TLR4: variants seen among roughly 807,000 people sequenced by gnomAD.
TLR4 encodes toll like receptor 4, also known as toll-like receptor 4.
Under a neutral mutation model 27.4 loss-of-function variants are expected in TLR4, and 17 were observed. The ratio of observed to expected loss-of-function variants is 0.62; its 90% confidence interval spans 0.42 to 0.93. The LOEUF (loss-of-function observed/expected upper bound fraction) is 0.93, where lower values mean the gene tolerates loss of function less well. Ranked by LOEUF, TLR4 falls within the 40% of genes least tolerant of loss-of-function variation. TLR4 has a pLI of 0.00. For synonymous variants in TLR4, 363 were observed against 365.7 expected, an observed-to-expected ratio of 0.99 and a Z score of 0.08; for missense variants, 926 against 962.3, an observed-to-expected ratio of 0.96 and a Z score of 0.50.
In TLR4 at chr9:117,714,595, C is replaced by T; in HGVS notation, c.2467C>T (p.Pro823Ser). ...CCTGCTGGATGGTAAATCATGGAAT[C>T]CAGAAGGAACAGTGGGTACAGGATG... is the stretch of plus-strand genomic sequence containing the variant. ...KALLDGKSWN[P>S]EGTVGTGCNW... The change falls in exon 3 of 3, where the codon CCA becomes TCA. Residue 823 changes from proline to serine, a missense_variant. Physicochemically the swap from Pro to Ser is moderately conservative, Grantham distance 74 (BLOSUM62 -1). Transcript: ENST00000355622. 1.2e-6 allele frequency: 2 copies of T among 1,613,554 alleles called. No individual in the cohort carries two copies. The highest frequency in any genetic ancestry group is 1.1e-5 in the South Asian group (1 of 91,060).
rs890751172 is a variant in TLR4, at chr9:117,722,943, G to A, written c.*8295G>A. On this transcript the variant is annotated 3_prime_UTR_variant, in exon 3 of 3. Transcript: ENST00000355622. The stretch of plus-strand genomic sequence containing the variant: ...TAAAATATATTTAAGTTTAAAATGT[G>A]GGCCAACTTAGGAAAAAAACGGGAT... 8 of 152,158 alleles carry A rather than the reference G, an allele frequency of 5.3e-5. No individual in the cohort carries two copies. The highest frequency in any genetic ancestry group is 1.9e-4 in the African/African-American group (8 of 41,502). 9.4% of individuals were successfully genotyped at this position (152,158 alleles called of 1,614,324 possible).
Position 117,717,293 on chromosome 9 carries a change from A to T in TLR4, c.*2645A>T, listed in dbSNP as rs1281020580. 6.6e-6 allele frequency: 1 copy of T among 152,056 alleles called. No individual in the cohort carries two copies. Among genetic ancestry groups the T allele is most frequent in the Non-Finnish European group, 1.5e-5 (1 of 68,002 alleles). The allele number at this position is 152,056 out of a possible 1,614,324, so 9.4% of individuals were successfully genotyped here. A position where few individuals can be genotyped will look rare whatever the true frequency, so the allele number is the denominator to read the frequency against. The stretch of plus-strand genomic sequence containing the variant: ...GGATACGTTCTTAGACCCCAAGTGG[A>T]TCTCTGAGACCGCAGATGGTACCAA... On this transcript the variant is annotated 3_prime_UTR_variant, in exon 3 of 3. Coordinates refer to ENST00000355622, the MANE Select transcript of TLR4 (RefSeq NM_138554.5).
intron 1 of TLR4, 135 bp downstream of exon 1, chr9:117,704,700 G>T: frequency 1.2e-6 from 1 of 812,738 alleles, no homozygotes; most frequent in Non-Finnish European, 2.0e-6. Context: ...AAGCCACAGA[G>T]ATCAAATAAT....
At chr9:117,711,060 T>C (rs2770146) in intron 2 of TLR4, among the ~76,000 whole-genome samples, 35,118 of 152,042 alleles carry the variant, frequency 0.23, 4,569 homozygotes, top group Middle Eastern at 0.31. Flanking sequence ...AGCTGTTTGA[T>C]TTATAAATGT....
rs566228523 is a variant in TLR4 at position 117,714,216 on chromosome 9, A to G, written c.2088A>G (p.Leu696=). 6.2e-7 allele frequency: 1 copy of G among 1,607,092 alleles called. No individual in the cohort carries two copies. The highest frequency in any genetic ancestry group is 1.3e-5 in the African/African-American group (1 of 74,864). The part of the protein sequence containing the change: ...DWVRNELVKN[L]EEGVPPFQLC... ...TAAGGAATGAGCTAGTAAAGAATTT[A>G]GAAGAAGGGGTGCCTCCATTTCAGC... The change falls in exon 3 of 3, where the codon TTA becomes TTG. Residue 696 remains leucine, a synonymous_variant. Coordinates refer to ENST00000355622, the MANE Select transcript of TLR4 (RefSeq NM_138554.5).
chr9:117,707,248 C>A (rs1031704602), intron 1 of TLR4, among the ~76,000 whole-genome samples: 1 of 152,192 alleles, frequency 6.6e-6, no homozygotes, highest in African/African-American at 2.4e-5. Context: ...TTTAAGCAGA[C>A]ATACGAATGA....
At position 117,708,606 on chromosome 9, in the gene TLR4, A is replaced by G. The variant is rs78848399; in HGVS notation, c.137A>G (p.Tyr46Cys). The change falls in exon 2 of 3, where the codon TAC (tyrosine) becomes TGC (cysteine). Residue 46 changes from tyrosine to cysteine, a missense_variant. Transcript: ENST00000355622. The part of the protein sequence containing the change: ...ITYQCMELNF[Y>C]KIPDNLPFST... The stretch of plus-strand genomic sequence containing the variant: ...TATCAATGCATGGAGCTGAATTTCT[A>G]CAAAATCCCCGACAACCTCCCCTTC... 5,000 of 1,613,938 alleles carry G rather than the reference A, an allele frequency of 3.1e-3. 13 individuals are homozygous for G. The highest frequency in any genetic ancestry group is 3.8e-3 in the Non-Finnish European group (4,481 of 1,179,848).
chr9:117,712,329 C>T, intron 2 of TLR4, 60 bp from the exon 3 acceptor site: 1 of 1,496,722 alleles, frequency 6.7e-7, no homozygotes, highest in Non-Finnish European at 9.2e-7. Flanking sequence ...GATTAATATT[C>T]TATTTTAGGT....
intron 2 of TLR4, among the ~76,000 whole-genome samples, chr9:117,710,043 A>G (rs1164505706): frequency 6.6e-6 from 1 of 152,108 alleles, no homozygotes; most frequent in Admixed American, 6.6e-5. Context: ...TATAAGCATA[A>G]AGTATTCTTA....
Position 117,714,017 on chromosome 9 carries a change from A to G in TLR4, c.1889A>G (p.Asn630Ser). ...AGTTTGAATATCACCTGTCAGATGA[A>G]TAAGACCATCATTGGTGTGTCGGTC... Reference protein sequence around the residue: ...VLSLNITCQMNKTIIGVSVLS... With the variant: ...VLSLNITCQMSKTIIGVSVLS... The change falls in exon 3 of 3, where the codon AAT (asparagine) becomes AGT (serine). Residue 630 changes from asparagine to serine, a missense_variant. Coordinates refer to ENST00000355622, the MANE Select transcript of TLR4 (RefSeq NM_138554.5). 1.2e-6 allele frequency: 2 copies of G among 1,613,968 alleles called. No individual in the cohort carries two copies. The highest frequency in any genetic ancestry group is 1.7e-6 in the Non-Finnish European group (2 of 1,179,966).
rs755724121 is a variant in TLR4 at position 117,717,709 on chromosome 9, T to A, written c.*3061T>A. ...TTCATATTTGAATATGAATTCTGCA[T>A]AAGTGTGTTTATTCAAGCAAATGTA... On this transcript the variant is annotated 3_prime_UTR_variant, in exon 3 of 3. Transcript: ENST00000355622. 6.6e-6 allele frequency: 1 copy of A among 152,148 alleles called. No homozygotes were observed. The highest frequency in any genetic ancestry group is 1.5e-5 in the Non-Finnish European group (1 of 68,016). The allele number at this position is 152,148 out of a possible 1,614,324, so 9.4% of individuals were successfully genotyped here.
intron 1 of TLR4, 145 bp from the exon 2 acceptor site, chr9:117,708,418 A>G (rs1829172677): frequency 1.3e-6 from 2 of 1,535,782 alleles, no homozygotes; most frequent in Admixed American, 1.9e-5. Context: ...GGATATATGG[A>G]TGGAAGGATG....
rs1017594351 is a variant in TLR4, at chr9:117,720,623, A to C, written c.*5975A>C. The C allele has an allele frequency of 4.6e-5, 7 of 152,248 alleles. No homozygotes were observed. The highest frequency in any genetic ancestry group is 8.8e-5 in the Non-Finnish European group (6 of 68,048). 9.4% of individuals were successfully genotyped at this position (152,248 alleles called of 1,614,324 possible). A position where few individuals can be genotyped will look rare whatever the true frequency, so the allele number is the denominator to read the frequency against. On this transcript the variant is annotated 3_prime_UTR_variant, in exon 3 of 3. Coordinates refer to ENST00000355622, the MANE Select transcript of TLR4 (RefSeq NM_138554.5). ...TTTGTTGAAAATTAAACTCACGTTT[A>C]GGAGAAAGGATTGTGTTGTATGCTC...
At chr9:117,705,120 AAAAG>A (rs1829115409) in intron 1 of TLR4, among the ~76,000 whole-genome samples, 1 of 151,510 alleles carries the variant, frequency 6.6e-6, no homozygotes, top group South Asian at 2.1e-4. Flanking sequence ...ATGAAAAAGG[AAAAG>A]AGAGAGAGAG....
At chr9:117,706,134 A>G (rs1238609725) in intron 1 of TLR4, among the ~76,000 whole-genome samples, 2 of 152,140 alleles carry the variant, frequency 1.3e-5, no homozygotes, top group African/African-American at 2.4e-5. Context: ...ACACTTCTCA[A>G]TTTACACTAT....
rs1056744559 is a variant in TLR4 at position 117,713,974 on chromosome 9, C to G, written c.1846C>G (p.Gln616Glu). The change falls in exon 3 of 3, where the codon CAG becomes GAG. Residue 616 changes from glutamine (Q) to glutamate (E), a missense_variant. Physicochemically the swap from Gln to Glu is conservative, Grantham distance 29. Coordinates refer to ENST00000355622, the MANE Select transcript of TLR4 (RefSeq NM_138554.5). ...RMECATPSDK[Q>E]GMPVLSLNIT... is the part of the protein sequence containing the mutation. ...GGAATGTGCAACACCTTCAGATAAG[C>G]AGGGCATGCCTGTGCTGAGTTTGAA... 1 of 1,614,004 alleles carries G rather than the reference C, an allele frequency of 6.2e-7. No homozygotes were observed. The highest frequency in any genetic ancestry group is 8.5e-7 in the Non-Finnish European group (1 of 1,180,006).
chr9:117,706,327 C>G (rs556178149), intron 1 of TLR4, among the ~76,000 whole-genome samples: 1 of 152,276 alleles, frequency 6.6e-6, no homozygotes, highest in African/African-American at 2.4e-5. Context: ...TGCCTCAAAT[C>G]CCCTTATACT....
chr9:117,708,818 G>A, intron 2 of TLR4, 89 bp downstream of exon 2: 2 of 1,516,202 alleles, frequency 1.3e-6, no homozygotes, highest in South Asian at 1.1e-5. Flanking sequence ...GGTTTGTGGA[G>A]TCTCATCTTC....
intron 1 of TLR4, among the ~76,000 whole-genome samples, chr9:117,707,809 A>T (rs888094476): frequency 6.6e-6 from 1 of 152,234 alleles, no homozygotes; most frequent in Non-Finnish European, 1.5e-5. Context: ...CTGGGCCATG[A>T]CTAAGGAAGG....
Sources: gnomAD v4.1 joint callset for allele counts (sites outside exome capture counted in the v4.1 genomes callset) on GRCh38, gnomAD v4.1.1 for gene constraint, MANE v1.5 for transcripts, NCBI Gene and HGNC (gene_info 2026-07-23, HGNC 2026-07-21) for gene names.